Variants in CSMD1 observed in about 807,000 individuals in gnomAD.
CSMD1 encodes the protein CUB and sushi domain-containing protein 1.
CSMD1 carries 213 observed loss-of-function variants against 417.5 expected under a neutral mutation model. The observed-to-expected ratio is 0.51, with a 90% CI of 0.46 to 0.57. The LOEUF is 0.57. Among genes scored for constraint, CSMD1 ranks in the 20% least tolerant of loss-of-function variants. The pLI is 0.00. For synonymous variants in CSMD1, 2,862 were observed against 1,736.8 expected (o/e 1.65, Z -16.11); for missense variants, 6,923 against 4,529.7 (o/e 1.53, Z -15.17).
At chr8:3,040,062 T>C (rs1810986281) in intron 50 of CSMD1, among the ~76,000 whole-genome samples, 1 of 152,202 alleles carries the variant, frequency 6.6e-6, no homozygotes, top group South Asian at 2.1e-4. Flanking sequence ...GAGTCTCCTA[T>C]GGATTGGTCC....
chr8:3,796,341 T>TCATGTATAGATATAG (rs1800129134), intron 5 of CSMD1, among the ~76,000 whole-genome samples: 2 of 96,042 alleles, frequency 2.1e-5, no homozygotes, highest in African/African-American at 8.0e-5. Flanking sequence ...GATATAGATA[T>TCATGTATAGATATAG]ATATCTATCA....
intron 1 of CSMD1, among the ~76,000 whole-genome samples, chr8:4,660,062 AG>A (rs1313668881): frequency 6.6e-6 from 1 of 151,414 alleles, no homozygotes; most frequent in Non-Finnish European, 1.5e-5. Context: ...ATTGGATAAA[AG>A]AAAGGATGTC....
intron 26 of CSMD1, among the ~76,000 whole-genome samples, chr8:3,240,102 A>G (rs540558909): frequency 2.6e-5 from 4 of 152,314 alleles, no homozygotes; most frequent in Middle Eastern, 3.4e-3. Flanking sequence ...CCACAAGAAG[A>G]CTTGAGGGCT....
chr8:3,429,213 G>A (rs1814052820), intron 12 of CSMD1, among the ~76,000 whole-genome samples: 1 of 139,604 alleles, frequency 7.2e-6, no homozygotes, highest in South Asian at 2.1e-4. Context: ...AAGAAACGCT[G>A]AACGTTGGAG....
At chr8:4,055,893 AATG>A (rs1278143720) in intron 3 of CSMD1, among the ~76,000 whole-genome samples, 2 of 152,076 alleles carry the variant, frequency 1.3e-5, no homozygotes, top group African/African-American at 4.8e-5. Flanking sequence ...CTTACATACA[AATG>A]ATGAGTCATT....
chr8:4,133,196 A>C (rs1240613457), intron 3 of CSMD1, among the ~76,000 whole-genome samples: 3 of 152,098 alleles, frequency 2.0e-5, no homozygotes, highest in African/African-American at 7.2e-5. Flanking sequence ...TCATCCTCCC[A>C]AAGTGCTGGG....
At chr8:4,360,243 C>A (rs542261817) in intron 3 of CSMD1, among the ~76,000 whole-genome samples, 1 of 152,068 alleles carries the variant, frequency 6.6e-6, no homozygotes, top group Non-Finnish European at 1.5e-5. Context: ...ATGTTGATTT[C>A]CTGATGAACA....
At chr8:4,958,113 T>C (rs955668633) in intron 1 of CSMD1, among the ~76,000 whole-genome samples, 9 of 152,126 alleles carry the variant, frequency 5.9e-5, no homozygotes, top group African/African-American at 2.2e-4. Context: ...TCTCAAATTC[T>C]ATGAGGTCTT....
chr8:3,776,807 G>T (rs796273615), intron 5 of CSMD1, among the ~76,000 whole-genome samples: 1,719 of 139,650 alleles, frequency 0.012, 67 homozygotes, highest in African/African-American at 0.045. Flanking sequence ...ATATAGACGA[G>T]ATATATATAT....
At chr8:4,747,525 A>G (rs1448955688) in intron 1 of CSMD1, among the ~76,000 whole-genome samples, 1 of 152,188 alleles carries the variant, frequency 6.6e-6, no homozygotes, top group African/African-American at 2.4e-5. Flanking sequence ...GCAAATCACT[A>G]CACTGATATT....
At chr8:4,342,263 G>T (rs1563074165) in intron 3 of CSMD1, among the ~76,000 whole-genome samples, 1 of 150,760 alleles carries the variant, frequency 6.6e-6, no homozygotes, top group African/African-American at 2.4e-5. Context: ...CTGTATGTGT[G>T]TGTGTAGAGG....
At chr8:3,326,518 G>A (rs1284867487) in intron 23 of CSMD1, among the ~76,000 whole-genome samples, 1 of 152,118 alleles carries the variant, frequency 6.6e-6, no homozygotes, top group Non-Finnish European at 1.5e-5. Context: ...GTCACGTTTG[G>A]CCCCAAGTGC....
chr8:4,754,132 G>T (rs1811518758), intron 1 of CSMD1, among the ~76,000 whole-genome samples: 1 of 152,224 alleles, frequency 6.6e-6, no homozygotes, highest in African/African-American at 2.4e-5. Flanking sequence ...ATTCTTGGTG[G>T]TAGCAATAAA....
At chr8:3,316,434 A>C (rs1448236454) in intron 23 of CSMD1, among the ~76,000 whole-genome samples, 1 of 152,168 alleles carries the variant, frequency 6.6e-6, no homozygotes, top group South Asian at 2.1e-4. Context: ...GGAAATAAAT[A>C]CTTATAAAAC....
At chr8:4,088,309 C>G (rs915941910) in intron 3 of CSMD1, among the ~76,000 whole-genome samples, 1 of 152,192 alleles carries the variant, frequency 6.6e-6, no homozygotes, top group Non-Finnish European at 1.5e-5. Flanking sequence ...GCCTGCAAAG[C>G]TAGAGTTCAC....
At chr8:3,190,221 G>T in intron 33 of CSMD1, 106 bp from the exon 34 acceptor site, 6 of 734,820 alleles carry the variant, frequency 8.2e-6, no homozygotes, top group Admixed American at 2.5e-5. Context: ...GATGCAGACA[G>T]AGAATTTAAT....
chr8:4,971,809 G>C (rs989281528), intron 1 of CSMD1, among the ~76,000 whole-genome samples: 5 of 151,704 alleles, frequency 3.3e-5, no homozygotes, highest in Admixed American at 6.6e-5. Flanking sequence ...TAGAAATATA[G>C]AATTTAAAGA....
At chr8:3,142,746 C>A (rs922300114) in intron 40 of CSMD1, 72 bp from the exon 41 acceptor site, 1 of 1,272,328 alleles carries the variant, frequency 7.9e-7, no homozygotes, top group Non-Finnish European at 1.1e-6. Flanking sequence ...TAAAAAGGGA[C>A]TGAAGTGTTA....
At chr8:3,688,759 G>C (rs940935387) in intron 7 of CSMD1, among the ~76,000 whole-genome samples, 1 of 152,026 alleles carries the variant, frequency 6.6e-6, no homozygotes, top group African/African-American at 2.4e-5. Context: ...TGAAACTGTA[G>C]CATAATACGG....
Sources: gnomAD v4.1 joint callset for allele counts (sites outside exome capture counted in the v4.1 genomes callset) on GRCh38, gnomAD v4.1.1 for gene constraint, MANE v1.5 for transcripts, NCBI Gene and HGNC (gene_info 2026-07-23, HGNC 2026-07-21) for gene names.